Variants in EPHB3 observed in about 807,000 individuals in gnomAD.
EPHB3 encodes EPH receptor B3, also known as ephrin type-B receptor 3.
Under a neutral mutation model 100.2 loss-of-function variants are expected in EPHB3, and 33 were observed. The observed-to-expected ratio is 0.33, with a 90% CI of 0.25 to 0.44. The LOEUF is 0.44. Among genes scored for constraint, EPHB3 ranks in the 20% least tolerant of loss-of-function variants. The pLI is 1.00. For missense variants in EPHB3, 1,045 were observed against 1,378.3 expected (o/e 0.76, Z 3.83); for synonymous variants, 526 against 554.7 (o/e 0.95, Z 0.73).
At chr3:184,568,592 A>ACCCCCCCCCCCCCTC (rs113185340) in intron 1 of EPHB3, among the ~76,000 whole-genome samples, 1 of 131,100 alleles carries the variant, frequency 7.6e-6, no homozygotes, top group Non-Finnish European at 1.6e-5. Flanking sequence ...GGGTTCTATG[A>ACCCCCCCCCCCCCTC]CCCCCCCCCC....
rs561747621 is a variant in EPHB3, at chr3:184,569,236, C to A, written c.119-2082C>A. ...GGGAGGACTGGCTGCGGGGGCAGGGCGCGCTTGCTCTGCCGGCTCCCGGGA... is the reference window on the plus strand; with the variant it reads ...GGGAGGACTGGCTGCGGGGGCAGGGAGCGCTTGCTCTGCCGGCTCCCGGGA... On this transcript the variant is annotated intron_variant, in intron 1 of 15. Coordinates refer to ENST00000330394, the MANE Select transcript of EPHB3 (RefSeq NM_004443.4). The surrounding 1 kb of genome is among the most constrained non-coding windows in gnomAD (Gnocchi z 5.4). 7.9e-4 allele frequency among the ~76,000 whole-genome samples: 114 copies of A among 145,062 alleles called. 2 individuals carry two copies. The highest frequency in any genetic ancestry group is 7.7e-3 in the Admixed American group (114 of 14,870).
At position 184,578,299 on chromosome 3, in the gene EPHB3, G is replaced by A; in HGVS notation, c.1749-115G>A. ...GCTGTGACCACCAATTGTGGGACTA[G>A]GCCCCAGGCCATCCCCTGTATCCTC... On this transcript the variant is annotated intron_variant, in intron 8 of 15. Coordinates refer to ENST00000330394, the MANE Select transcript of EPHB3 (RefSeq NM_004443.4). The surrounding 1 kb of genome is among the most constrained non-coding windows in gnomAD (Gnocchi z 4.7). 3 of 1,465,752 alleles carry A rather than the reference G, an allele frequency of 2.0e-6. No individual in the cohort carries two copies. Among genetic ancestry groups the A allele is most frequent in the Middle Eastern group, 1.9e-4 (1 of 5,386 alleles). 90.8% of individuals were successfully genotyped at this position (1,465,752 alleles called of 1,614,324 possible).
chr3:184,575,038 C>A, intron 3 of EPHB3: 1 of 662,616 alleles, frequency 1.5e-6, no homozygotes, highest in Non-Finnish European at 1.9e-6. Context: ...TATCCTAACA[C>A]AGTTATTACT....
In EPHB3 at chr3:184,579,238, G is replaced by A. The variant is rs1400683902; in HGVS notation, c.1802-239G>A. ...AAGGTCGGGGCAGTGGGAACCAGGG[G>A]AGGCATGAATCTGAGAGAGGTCTGG... On this transcript the variant is annotated intron_variant, in intron 9 of 15. Coordinates refer to ENST00000330394, the MANE Select transcript of EPHB3 (RefSeq NM_004443.4). This position sits in a 1 kb window ranked among gnomAD's most constrained non-coding sequence, Gnocchi z 5.2. Among the ~76,000 whole-genome samples, 1 of 152,192 alleles carries A rather than the reference G, an allele frequency of 6.6e-6. No homozygotes were observed. The highest frequency in any genetic ancestry group is 6.5e-5 in the Admixed American group (1 of 15,292).
Position 184,572,746 on chromosome 3 carries a change from C to T in EPHB3, c.426C>T (p.Ala142=). 6.2e-7 allele frequency: 1 copy of T among 1,612,834 alleles called. No homozygotes were observed. Among genetic ancestry groups the T allele is most frequent in the Non-Finnish European group, 8.5e-7 (1 of 1,179,658 alleles). ...ACTACGAGGCTGACAGCGATGTGGCCTCAGCCTCCTCCCCCTTCTGGATGG... is the reference window on the plus strand; with the variant it reads ...ACTACGAGGCTGACAGCGATGTGGCTTCAGCCTCCTCCCCCTTCTGGATGG... ...LFYYEADSDV[A]SASSPFWMEN... The change falls in exon 3 of 16, where the codon GCC becomes GCT. Residue 142 remains alanine, a synonymous_variant. Transcript: ENST00000330394. The surrounding 1 kb of genome is among the most constrained non-coding windows in gnomAD (Gnocchi z 6.6).
In EPHB3 at chr3:184,577,280, G is replaced by A; in HGVS notation, c.1355-63G>A. On this transcript the variant is annotated intron_variant, in intron 5 of 15. Coordinates refer to ENST00000330394, the MANE Select transcript of EPHB3 (RefSeq NM_004443.4). The surrounding 1 kb of genome is among the most constrained non-coding windows in gnomAD (Gnocchi z 4.9). ...GGGACCACTGGGGGTCCCATGGGAAGTGGGTCTTTGGGAAGGATGCCAGGG... is the reference window on the plus strand; with the variant it reads ...GGGACCACTGGGGGTCCCATGGGAAATGGGTCTTTGGGAAGGATGCCAGGG... 1 of 1,593,904 alleles carries A rather than the reference G, an allele frequency of 6.3e-7. No individual in the cohort carries two copies. Among genetic ancestry groups the A allele is most frequent in the African/African-American group, 1.3e-5 (1 of 74,524 alleles).
intron 1 of EPHB3, among the ~76,000 whole-genome samples, chr3:184,564,628 G>A (rs1216859717): frequency 6.6e-6 from 1 of 152,190 alleles, no homozygotes; most frequent in Non-Finnish European, 1.5e-5. Context: ...CTGCTGGAGG[G>A]AGGTTAGAGG....
rs773532061 is a variant in EPHB3, at chr3:184,581,366, C to T, written c.2846C>T (p.Ala949Val). 4.4e-6 allele frequency: 7 copies of T among 1,604,744 alleles called. No homozygotes were observed. Among genetic ancestry groups the T allele is most frequent in the South Asian group, 2.2e-5 (2 of 89,118 alleles). Residue 949 changes from alanine (A) to valine (V), a missense_variant, in exon 15 of 16, where the codon GCG (alanine) becomes GTG (valine). Transcript: ENST00000330394. ...MGRYKESFVS[A>V]GFASFDLVAQ... ...CGGTACAAGGAGAGCTTCGTCAGTG[C>T]GGGGTTTGCATCTTTTGACCTGGTG...
rs770626858 is a variant in EPHB3, at chr3:184,578,139, G to A, written c.1748+133G>A. The A allele has an allele frequency of 2.7e-5, 28 of 1,027,226 alleles. No homozygotes were observed. Among genetic ancestry groups the A allele is most frequent in the East Asian group, 2.4e-4 (9 of 38,254 alleles). The allele number at this position is 1,027,226 out of a possible 1,614,324, so 63.6% of individuals were successfully genotyped here. ...GGCCTTAGCCCTCCTGGGGCCAGCCGTTGCTGGAGAAGCCCTCTCCCATCC... is the reference window on the plus strand; with the variant it reads ...GGCCTTAGCCCTCCTGGGGCCAGCCATTGCTGGAGAAGCCCTCTCCCATCC... On this transcript the variant is annotated intron_variant, in intron 8 of 15. Transcript: ENST00000330394. The surrounding 1 kb of genome is among the most constrained non-coding windows in gnomAD (Gnocchi z 4.7).
rs771180127 is a variant in EPHB3 at position 184,582,373 on chromosome 3, A to T, written c.*751A>T. 6.6e-6 allele frequency: 1 copy of T among 152,326 alleles called. No individual in the cohort carries two copies. Among genetic ancestry groups the T allele is most frequent in the Non-Finnish European group, 1.5e-5 (1 of 68,080 alleles). 9.4% of individuals were successfully genotyped at this position (152,326 alleles called of 1,614,324 possible). A position where few individuals can be genotyped will look rare whatever the true frequency, so the allele number is the denominator to read the frequency against. On this transcript the variant is annotated 3_prime_UTR_variant, in exon 16 of 16. Transcript: ENST00000330394. The stretch of plus-strand genomic sequence containing the variant: ...TGGCCCTGTGCCCTACAATGGGGCC[A>T]GCTGGGCCGACAGCAGAATAAAGGC...
At position 184,577,675 on chromosome 3, in the gene EPHB3, C is replaced by T. The variant is rs1714712279; in HGVS notation, c.1497C>T (p.Ser499=). 6.2e-7 allele frequency: 1 copy of T among 1,605,340 alleles called. No individual in the cohort carries two copies. The highest frequency in any genetic ancestry group is 1.7e-5 in the Admixed American group (1 of 59,600). The part of the protein sequence containing the change: ...KYFEKSEGIA[S]TVTSQMNSVQ... ...CATTGCAGAGCGAGGGCATCGCCTC[C>T]ACAGTGACCAGCCAGATGAACTCCG... Residue 499 remains serine, a synonymous_variant, in exon 7 of 16, where the codon TCC becomes TCT. Coordinates refer to ENST00000330394, the MANE Select transcript of EPHB3 (RefSeq NM_004443.4). The surrounding 1 kb of genome is among the most constrained non-coding windows in gnomAD (Gnocchi z 4.9).
At chr3:184,567,492 T>A (rs868776539) in intron 1 of EPHB3, among the ~76,000 whole-genome samples, 1 of 151,592 alleles carries the variant, frequency 6.6e-6, no homozygotes. Flanking sequence ...TGTGTGTGTG[T>A]GTGTGTGTGT....
In EPHB3 at chr3:184,571,422, T is replaced by A. The variant is rs1238744967; in HGVS notation, c.183+40T>A. The A allele has an allele frequency of 6.2e-7, 1 of 1,610,334 alleles. No individual in the cohort carries two copies. Among genetic ancestry groups the A allele is most frequent in the Non-Finnish European group, 8.5e-7 (1 of 1,176,984 alleles). On this transcript the variant is annotated intron_variant, in intron 2 of 15. Coordinates refer to ENST00000330394, the MANE Select transcript of EPHB3 (RefSeq NM_004443.4). The surrounding 1 kb of genome is among the most constrained non-coding windows in gnomAD (Gnocchi z 5.0). ...TCATTCTCCTGAGTGTTGTTTGCCA[T>A]TAGGCCTCCCCCCACTTCCAGCCTC...
chr3:184,576,804 C>T, intron 4 of EPHB3, 38 bp from the exon 5 acceptor site: 1 of 1,515,046 alleles, frequency 6.6e-7, no homozygotes, highest in Non-Finnish European at 8.9e-7. Context: ...GTCCTAGAGC[C>T]CCCAGCTCAC....
intron 3 of EPHB3, among the ~76,000 whole-genome samples, chr3:184,574,267 G>T (rs9990365): frequency 1.3e-5 from 2 of 151,966 alleles, no homozygotes; most frequent in Admixed American, 6.5e-5. Context: ...AGCCTGCCTC[G>T]GATGGCTTGC....
Position 184,578,687 on chromosome 3 carries a change from C to T in EPHB3, c.1801+221C>T, listed in dbSNP as rs1277081858. Among the ~76,000 whole-genome samples the T allele has an allele frequency of 1.3e-5, 2 of 152,198 alleles. No homozygotes were observed. The highest frequency in any genetic ancestry group is 1.3e-4 in the Admixed American group (2 of 15,286). On this transcript the variant is annotated intron_variant, in intron 9 of 15. Coordinates refer to ENST00000330394, the MANE Select transcript of EPHB3 (RefSeq NM_004443.4). The surrounding 1 kb of genome is among the most constrained non-coding windows in gnomAD (Gnocchi z 4.7). ...GAAATGACTGAGACGTGACCTCTCCCCCTAAAGGCAGTTAGTCCTGTGGGA... is the reference window on the plus strand; with the variant it reads ...GAAATGACTGAGACGTGACCTCTCCTCCTAAAGGCAGTTAGTCCTGTGGGA...
chr3:184,575,336 G>C, intron 3 of EPHB3: 2 of 677,292 alleles, frequency 3.0e-6, no homozygotes, highest in Non-Finnish European at 1.8e-6. Flanking sequence ...TGCTGCCTGC[G>C]CCTGGTGGGT....
Position 184,569,825 on chromosome 3 carries a change from C to G in EPHB3, c.119-1493C>G, listed in dbSNP as rs967170716. Among the ~76,000 whole-genome samples the G allele has an allele frequency of 3.3e-5, 5 of 152,260 alleles. No individual in the cohort carries two copies. The highest frequency in any genetic ancestry group is 1.2e-4 in the African/African-American group (5 of 41,472). On this transcript the variant is annotated intron_variant, in intron 1 of 15. Coordinates refer to ENST00000330394, the MANE Select transcript of EPHB3 (RefSeq NM_004443.4). This position sits in a 1 kb window ranked among gnomAD's most constrained non-coding sequence, Gnocchi z 5.4. Reference sequence around the variant, plus strand: ...GCCGCGGGGTTTGGGCTTTTCCCCACTTGGGCACCCAGAGGGGATGATGTA... The same window carrying G: ...GCCGCGGGGTTTGGGCTTTTCCCCAGTTGGGCACCCAGAGGGGATGATGTA...
Position 184,569,674 on chromosome 3 carries a change from C to T in EPHB3, c.119-1644C>T, listed in dbSNP as rs945070217. ...CCTCCCTGCAGTGAATGGCTGCTGC[C>T]TGCAGCCCCTTTGCCTGACATGGCG... On this transcript the variant is annotated intron_variant, in intron 1 of 15. Transcript: ENST00000330394. This position sits in a 1 kb window ranked among gnomAD's most constrained non-coding sequence, Gnocchi z 5.4. 1.3e-5 allele frequency among the ~76,000 whole-genome samples: 2 copies of T among 152,256 alleles called. No homozygotes were observed. The highest frequency in any genetic ancestry group is 2.9e-5 in the Non-Finnish European group (2 of 68,034).
Sources: allele counts gnomAD v4.1 joint callset (sites outside exome capture counted in the v4.1 genomes callset), GRCh38; gene constraint gnomAD v4.1.1; non-coding constraint Gnocchi (gnomAD v3.1); transcripts MANE v1.5; gene names NCBI Gene and HGNC (gene_info 2026-07-23, HGNC 2026-07-21).